The following PTPRD variants were observed in gnomAD, a reference collection of about 807,000 sequenced individuals.
PTPRD encodes the protein protein tyrosine phosphatase receptor type D.
Under a neutral mutation model 214.5 loss-of-function variants are expected in PTPRD, and 34 were observed. The observed-to-expected ratio is 0.16, with a 90% CI of 0.12 to 0.21. The LOEUF is 0.21. Among genes scored for constraint, PTPRD ranks in the 10% least tolerant of loss-of-function variants. The pLI is 1.00. For synonymous variants in PTPRD, 1,128 were observed against 845.7 expected, an observed-to-expected ratio of 1.33 and a Z score of -5.79; for missense variants, 2,545 against 2,398.7, an observed-to-expected ratio of 1.06 and a Z score of -1.27.
intron 11 of PTPRD, among the ~76,000 whole-genome samples, chr9:8,949,287 A>G (rs914797351): frequency 2.0e-5 from 3 of 152,058 alleles, no homozygotes; most frequent in African/African-American, 7.2e-5. Context: ...TGGTAGATAA[A>G]ACATGTGAAG....
rs569900537 is a variant in PTPRD at position 9,967,498 on chromosome 9, A to G, written c.-471-28888T>C. ...AGAAAACATTTATTGAGAAACAATT[A>G]TGTATTAGAAGGTATGCTAGGTAAT... is the stretch of plus-strand genomic sequence containing the variant. On this transcript the variant is annotated intron_variant, in intron 4 of 45. Coordinates refer to ENST00000381196, the MANE Select transcript of PTPRD (RefSeq NM_002839.4). 1.3e-5 allele frequency among the ~76,000 whole-genome samples: 2 copies of G among 152,310 alleles called. 1 individual carries two copies. The highest frequency in any genetic ancestry group is 1.3e-4 in the Admixed American group (2 of 15,296).
intron 4 of PTPRD, among the ~76,000 whole-genome samples, chr9:9,966,501 T>C (rs149600650): frequency 5.3e-5 from 8 of 152,218 alleles, no homozygotes; most frequent in Admixed American, 5.2e-4. Context: ...GAATAACAAA[T>C]TATTCTCCAT....
chr9:9,878,121 T>A (rs2067457424), intron 5 of PTPRD, among the ~76,000 whole-genome samples: 1 of 152,172 alleles, frequency 6.6e-6, no homozygotes, highest in Non-Finnish European at 1.5e-5. Context: ...TTCAACCTCT[T>A]CTCAGGACAT....
chr9:9,756,721 G>C (rs2098587119), intron 6 of PTPRD, among the ~76,000 whole-genome samples: 1 of 151,990 alleles, frequency 6.6e-6, no homozygotes, highest in Non-Finnish European at 1.5e-5. Flanking sequence ...TTATTTTTAT[G>C]GTATATGAAT....
intron 11 of PTPRD, among the ~76,000 whole-genome samples, chr9:8,810,096 T>A (rs1274107659): frequency 1.3e-5 from 2 of 152,224 alleles, no homozygotes; most frequent in African/African-American, 4.8e-5. Flanking sequence ...GGACGTTTAC[T>A]ACTGCAGGGC....
In PTPRD at chr9:8,404,654, C is replaced by T. The variant is rs2092784669; in HGVS notation, c.4093G>A (p.Asp1365Asn). 2.5e-6 allele frequency: 4 copies of T among 1,608,324 alleles called. No homozygotes were observed. The highest frequency in any genetic ancestry group is 3.4e-6 in the Non-Finnish European group (4 of 1,176,056). The change falls in exon 36 of 46, where the codon GAC becomes AAC. Residue 1365 changes from aspartate to asparagine, a missense_variant. Physicochemically the swap from Asp to Asn is conservative, Grantham distance 23 (BLOSUM62 1). Transcript: ENST00000381196. ...LKFSQEYESI[D>N]PGQQFTWEHS... The stretch of plus-strand genomic sequence containing the variant: ...TCCCAAGTGAACTGCTGGCCAGGGT[C>T]AATTGACTTTAAAAGGAAAACAACA...
chr9:10,325,989 A>G (rs2096636228), intron 3 of PTPRD, among the ~76,000 whole-genome samples: 1 of 151,886 alleles, frequency 6.6e-6, no homozygotes, highest in Non-Finnish European at 1.5e-5. Flanking sequence ...ATTGAGAAAT[A>G]TATCTGAGCA....
chr9:9,457,486 AATT>A (rs563803656), intron 8 of PTPRD, among the ~76,000 whole-genome samples: 73 of 152,064 alleles, frequency 4.8e-4, no homozygotes, highest in African/African-American at 1.4e-3. Context: ...AAGAACATAA[AATT>A]AAACACTCTG....
At chr9:9,819,136 G>A (rs1198901477) in intron 5 of PTPRD, among the ~76,000 whole-genome samples, 1 of 152,060 alleles carries the variant, frequency 6.6e-6, no homozygotes, top group Non-Finnish European at 1.5e-5. Flanking sequence ...GGCTTTGGAA[G>A]GCTGGAGGCA....
At chr9:9,073,932 T>G (rs2099747384) in intron 10 of PTPRD, among the ~76,000 whole-genome samples, 2 of 152,136 alleles carry the variant, frequency 1.3e-5, no homozygotes, top group South Asian at 4.1e-4. Context: ...AATATTGGTC[T>G]CAACAGTTTC....
intron 2 of PTPRD, among the ~76,000 whole-genome samples, chr9:10,477,157 C>G (rs914245852): frequency 3.9e-5 from 6 of 152,108 alleles, no homozygotes; most frequent in African/African-American, 1.4e-4. Context: ...TAAAGAGCTT[C>G]TGCACAGCAA....
chr9:8,534,301 A>G (rs1417807779), intron 14 of PTPRD, among the ~76,000 whole-genome samples: 1 of 151,926 alleles, frequency 6.6e-6, no homozygotes, highest in Non-Finnish European at 1.5e-5. Flanking sequence ...TAGAACACGT[A>G]TCTATATTCT....
chr9:10,504,485 T>G (rs552200036), intron 2 of PTPRD, among the ~76,000 whole-genome samples: 23 of 152,254 alleles, frequency 1.5e-4, no homozygotes, highest in African/African-American at 5.5e-4. Flanking sequence ...CGATGGACAT[T>G]TAGAAACTTT....
intron 3 of PTPRD, among the ~76,000 whole-genome samples, chr9:10,217,850 A>G (rs1485055436): frequency 6.6e-6 from 1 of 151,904 alleles, no homozygotes; most frequent in East Asian, 1.9e-4. Flanking sequence ...AAGAAAGTGG[A>G]GCAGCTTAAG....
chr9:8,655,286 G>C (rs1177803673), intron 12 of PTPRD, among the ~76,000 whole-genome samples: 1 of 152,152 alleles, frequency 6.6e-6, no homozygotes, highest in Non-Finnish European at 1.5e-5. Flanking sequence ...TTCCTCCCCT[G>C]CCTCTTTGGG....
At chr9:10,540,094 G>T (rs1429087088) in intron 2 of PTPRD, among the ~76,000 whole-genome samples, 1 of 152,054 alleles carries the variant, frequency 6.6e-6, no homozygotes, top group Non-Finnish European at 1.5e-5. Context: ...GCAGTGGCAT[G>T]GTCTTGGCTC....
intron 3 of PTPRD, among the ~76,000 whole-genome samples, chr9:10,175,753 G>A (rs2099244421): frequency 6.7e-6 from 1 of 149,700 alleles, no homozygotes; most frequent in South Asian, 2.1e-4. Flanking sequence ...CAAAGTATGT[G>A]GAATAGTATG....
chr9:9,037,056 T>C (rs2099624147), intron 10 of PTPRD, among the ~76,000 whole-genome samples: 1 of 152,190 alleles, frequency 6.6e-6, no homozygotes, highest in South Asian at 2.1e-4. Flanking sequence ...AAATTTCATC[T>C]ACACAATGGT....
At chr9:9,371,148 C>G (rs994518354) in intron 9 of PTPRD, among the ~76,000 whole-genome samples, 1 of 152,146 alleles carries the variant, frequency 6.6e-6, no homozygotes, top group African/African-American at 2.4e-5. Flanking sequence ...AGGGAGGATT[C>G]CCTCTTTTTC....
Sources: allele counts gnomAD v4.1 joint callset (sites outside exome capture counted in the v4.1 genomes callset), GRCh38; gene constraint gnomAD v4.1.1; transcripts MANE v1.5; gene names NCBI Gene and HGNC (gene_info 2026-07-23, HGNC 2026-07-21).